DNAH6: variants seen among roughly 807,000 people sequenced by gnomAD.
DNAH6 encodes the protein dynein axonemal heavy chain 6, also known as axonemal beta dynein heavy chain 6.
Under a neutral mutation model 491.4 loss-of-function variants are expected in DNAH6, and 340 were observed. The ratio of observed to expected loss-of-function variants is 0.69; its 90% confidence interval spans 0.63 to 0.76. The LOEUF is 0.76. Among genes scored for constraint, DNAH6 ranks in the 30% least tolerant of loss-of-function variants. The pLI, the probability that DNAH6 is intolerant of heterozygous loss-of-function variation, is 0.00. For missense variants in DNAH6, 4,443 were observed against 4,972.2 expected (o/e 0.89, Z 3.20); for synonymous variants, 1,603 against 1,686.1 (o/e 0.95, Z 1.21).
chr2:84,490,582 G>A, the DNAH6 span, among the ~76,000 whole-genome samples: 1 of 152,004 alleles, frequency 6.6e-6, no homozygotes, highest in African/African-American at 2.4e-5. Flanking sequence ...TTATTTTTAA[G>A]ATGGAGTCTC....
At chr2:84,557,626 C>T (rs1319101505) in intron 10 of DNAH6, 109 bp from the exon 11 acceptor site, 19 of 234,942 alleles carry the variant, frequency 8.1e-5, no homozygotes, top group East Asian at 5.0e-4. Flanking sequence ...GTCCGCAGTC[C>T]GGCCTGGGCG....
At chr2:84,715,456 T>C in intron 57 of DNAH6, 104 bp from the exon 58 acceptor site, 1 of 1,041,734 alleles carries the variant, frequency 9.6e-7, no homozygotes, top group African/African-American at 1.6e-5. Context: ...CAATTAGACC[T>C]GAGATACATC....
the DNAH6 span, among the ~76,000 whole-genome samples, chr2:84,508,007 G>A: frequency 1.3e-5 from 2 of 152,164 alleles, no homozygotes; most frequent in African/African-American, 2.4e-5. Flanking sequence ...ATGTTCATCA[G>A]GGATATTGGT....
intron 4 of DNAH6, 61 bp downstream of exon 4, chr2:84,529,227 TTTA>T: frequency 8.2e-7 from 1 of 1,213,446 alleles, no homozygotes; most frequent in South Asian, 1.7e-5. Context: ...TCACATATTA[TTTA>T]TAATTGATTG....
Position 84,706,896 on chromosome 2 carries a change from G to A in DNAH6, c.8728G>A (p.Ala2910Thr). Residue 2910 changes from alanine (A) to threonine (T), a missense_variant and splice_region_variant, in exon 53 of 77, where the codon GCT (alanine) becomes ACT (threonine). Ala to Thr is a moderately conservative substitution (Grantham distance 58). This residue lies in a region of DNAH6 where 1,463 missense variants were observed against 1,656.6 expected (regional missense o/e 0.88). Transcript: ENST00000389394. ...PKRQKLRAAQ[A>T]ELDITMATLR... ...TTAAACAGTTGCTTGATTTTATTAGGCTGAACTTGACATTACCATGGCTAC... is the reference window on the plus strand; with the variant it reads ...TTAAACAGTTGCTTGATTTTATTAGACTGAACTTGACATTACCATGGCTAC... 1 of 1,536,668 alleles carries A rather than the reference G, an allele frequency of 6.5e-7. No individual in the cohort carries two copies. The highest frequency in any genetic ancestry group is 1.3e-5 in the South Asian group (1 of 79,436).
At chr2:84,813,933 G>A in intron 74 of DNAH6, 38 bp from the exon 75 acceptor site, 1 of 1,549,482 alleles carries the variant, frequency 6.5e-7, no homozygotes, top group Non-Finnish European at 8.7e-7. Flanking sequence ...GAGTAGCAGT[G>A]TTGTTTGAAC....
intron 58 of DNAH6, among the ~76,000 whole-genome samples, chr2:84,716,734 G>A (rs781381057): frequency 6.6e-6 from 1 of 151,320 alleles, no homozygotes; most frequent in Non-Finnish European, 1.5e-5. Flanking sequence ...TAGGCTGCCT[G>A]GGACAAGAAG....
the DNAH6 span, among the ~76,000 whole-genome samples, chr2:84,470,062 A>C: frequency 6.6e-6 from 1 of 152,056 alleles, no homozygotes; most frequent in East Asian, 1.9e-4. Context: ...GAGTATATGC[A>C]CTCCACTTAC....
intron 74 of DNAH6, 141 bp from the exon 75 acceptor site, chr2:84,813,830 G>A (rs1680234048): frequency 1.3e-6 from 1 of 788,952 alleles, no homozygotes; most frequent in East Asian, 2.7e-5. Context: ...AACTAACTCA[G>A]AGGAAGGTAT....
At chr2:84,551,264 A>G (rs75299564) in intron 9 of DNAH6, among the ~76,000 whole-genome samples, 4,369 of 152,308 alleles carry the variant, frequency 0.029, 227 homozygotes, top group African/African-American at 0.099. Flanking sequence ...TTTTATAAAT[A>G]GTATCAAAAT....
At chr2:84,608,118 C>G (rs1044505660) in intron 21 of DNAH6, among the ~76,000 whole-genome samples, 2 of 152,194 alleles carry the variant, frequency 1.3e-5, no homozygotes, top group African/African-American at 4.8e-5. Context: ...CTTATCTATT[C>G]AAGTTTTATC....
upstream of DNAH6, among the ~76,000 whole-genome samples, chr2:84,512,806 C>T (rs1054647653): frequency 2.1e-4 from 32 of 152,038 alleles, no homozygotes; most frequent in African/African-American, 7.7e-4. Flanking sequence ...ATAGCCACTG[C>T]CACTTTCTTT....
chr2:84,641,953 A>T lies in DNAH6; in HGVS notation c.4977A>T (p.Leu1659Phe). Residue 1659 changes from leucine (L) to phenylalanine (F), a missense_variant, in exon 33 of 77, where the codon TTA becomes TTT. Leu to Phe is a conservative substitution (Grantham distance 22). This residue lies in a region of DNAH6 where 2,977 missense variants were observed against 3,296.6 expected (regional missense o/e 0.90). Transcript: ENST00000389394. ...VKSVLVMAGS[L>F]KRENPDLNED... ...AATATTCCTTTAAATTTAGATCTTT[A>T]AAAAGAGAAAACCCAGACCTAAATG... 6.5e-7 allele frequency: 1 copy of T among 1,548,974 alleles called. No individual in the cohort carries two copies.
At chr2:84,513,917 G>A (rs757291054), upstream of DNAH6, among the ~76,000 whole-genome samples, 3 of 152,128 alleles carry the variant, frequency 2.0e-5, no homozygotes, top group East Asian at 1.9e-4. Context: ...TGGTTTTCCT[G>A]TAGGTTTTTG....
intron 4 of DNAH6, among the ~76,000 whole-genome samples, chr2:84,535,432 G>A (rs1160590019): frequency 6.6e-6 from 1 of 151,886 alleles, no homozygotes; most frequent in Non-Finnish European, 1.5e-5. Context: ...AACCAGTGGT[G>A]TCAAACAAGT....
intron 11 of DNAH6, among the ~76,000 whole-genome samples, chr2:84,562,467 GAAA>G (rs1223382760): frequency 6.6e-6 from 1 of 152,128 alleles, no homozygotes; most frequent in East Asian, 1.9e-4. Context: ...GGTTAAAAAT[GAAA>G]AGATGCTCAA....
intron 63 of DNAH6, among the ~76,000 whole-genome samples, chr2:84,761,985 C>T (rs1277977899): frequency 6.6e-6 from 1 of 152,170 alleles, no homozygotes; most frequent in African/African-American, 2.4e-5. Context: ...CTTTCTGGCA[C>T]ATTAAAAGTC....
chr2:84,735,010 A>G (rs1699420520), intron 62 of DNAH6, among the ~76,000 whole-genome samples: 1 of 152,156 alleles, frequency 6.6e-6, no homozygotes, highest in African/African-American at 2.4e-5. Flanking sequence ...GGTAGTGAAC[A>G]TAGTACTCAA....
intron 29 of DNAH6, among the ~76,000 whole-genome samples, chr2:84,630,201 A>AATTACT (rs1242418454): frequency 6.6e-6 from 1 of 152,188 alleles, no homozygotes; most frequent in African/African-American, 2.4e-5. Flanking sequence ...TAACATTAGA[A>AATTACT]ATTACTATTT....
Sources: gnomAD v4.1 joint callset for allele counts (sites outside exome capture counted in the v4.1 genomes callset) on GRCh38, gnomAD v4.1.1 for gene constraint, gnomAD v4.1.1 regional missense constraint, MANE v1.5 for transcripts, NCBI Gene and HGNC (gene_info 2026-07-23, HGNC 2026-07-21) for gene names.